The following RYR3 variants were observed in gnomAD, a reference collection of about 807,000 sequenced individuals.
RYR3 encodes ryanodine receptor 3.
Under a neutral mutation model 584.3 loss-of-function variants are expected in RYR3, and 207 were observed. The ratio of observed to expected loss-of-function variants is 0.35; its 90% CI spans 0.32 to 0.40. The LOEUF is 0.40. RYR3 is among the 10% of genes least tolerant of loss of function. The probability of loss-of-function intolerance (pLI) is 1.00; values close to 1 mark genes in which losing one functional copy is unlikely to be tolerated. For missense variants in RYR3, 5,616 were observed against 6,089.2 expected (o/e 0.92, Z 2.59); for synonymous variants, 2,416 against 2,248.5 (o/e 1.07, Z -2.11).
rs188909379 is a variant in RYR3, at chr15:33,738,724, A to G, written c.7656+134A>G. On this transcript the variant is annotated intron_variant, in intron 50 of 103. Transcript: ENST00000634891. ...AGTACTTCACAAGCATATTACGCCA[A>G]TCCTTGCCCATCTCTCTGAAATGGA... 4.8e-4 allele frequency: 429 copies of G among 899,170 alleles called. 1 individual carries two copies. In the African/African-American group the frequency reaches 6.6e-3, roughly 14 times the overall value. The allele number at this position is 899,170 out of a possible 1,614,324, so 55.7% of individuals were successfully genotyped here.
intron 12 of RYR3, among the ~76,000 whole-genome samples, chr15:33,567,564 A>T (rs2057781495): frequency 6.6e-6 from 1 of 152,210 alleles, no homozygotes; most frequent in Admixed American, 6.5e-5. Flanking sequence ...CTGCTGTTGC[A>T]GTTCAGAGTA....
At chr15:33,514,829 A>G (rs1041621730) in intron 3 of RYR3, among the ~76,000 whole-genome samples, 3 of 151,766 alleles carry the variant, frequency 2.0e-5, no homozygotes, top group Non-Finnish European at 4.4e-5. Flanking sequence ...GTGAAACCCC[A>G]TCTCTACTAA....
chr15:33,711,661 A>G (rs575504151), intron 43 of RYR3, among the ~76,000 whole-genome samples: 3 of 152,332 alleles, frequency 2.0e-5, no homozygotes, highest in African/African-American at 7.2e-5. Flanking sequence ...AATGCAGCCA[A>G]GTTCTTTACT....
chr15:33,698,472 T>G (rs2066021026), intron 40 of RYR3, among the ~76,000 whole-genome samples: 1 of 152,210 alleles, frequency 6.6e-6, no homozygotes, highest in Non-Finnish European at 1.5e-5. Context: ...GGAGCCCGCA[T>G]CAGGGGGAGC....
At position 33,602,997 on chromosome 15, in the gene RYR3, A is replaced by G. The variant is rs138581749; in HGVS notation, c.1923-126A>G. The G allele has an allele frequency of 4.6e-5, 45 of 983,470 alleles. No individual in the cohort carries two copies. In the East Asian group the frequency reaches 1.0e-3, roughly 22 times the overall value. The allele number at this position is 983,470 out of a possible 1,614,324, so 60.9% of individuals were successfully genotyped here. ...AGAGATCCCTCCCATCTTTTGAGCA[A>G]TATGAAATACACAGCATTGCTCTTG... On this transcript the variant is annotated intron_variant, in intron 17 of 103. Coordinates refer to ENST00000634891, the MANE Select transcript of RYR3 (RefSeq NM_001036.6).
intron 43 of RYR3, among the ~76,000 whole-genome samples, chr15:33,713,780 G>A (rs1266569554): frequency 6.6e-6 from 1 of 152,120 alleles, no homozygotes; most frequent in Non-Finnish European, 1.5e-5. Context: ...GAGGTTTCCT[G>A]GTTCATAGAT....
intron 1 of RYR3, among the ~76,000 whole-genome samples, chr15:33,435,167 G>A (rs28418552): frequency 0.021 from 3,186 of 152,118 alleles, 55 homozygotes; most frequent in Non-Finnish European, 0.027. Context: ...GTTATTATAG[G>A]TAAATTTGTA....
At chr15:33,837,071 C>T in intron 88 of RYR3, 84 bp downstream of exon 88, 2 of 1,136,922 alleles carry the variant, frequency 1.8e-6, no homozygotes, top group Non-Finnish European at 2.6e-6. Context: ...GATTATCCTT[C>T]TGGCAGGTCA....
At chr15:33,686,633 C>T (rs898291560) in intron 38 of RYR3, among the ~76,000 whole-genome samples, 12 of 152,092 alleles carry the variant, frequency 7.9e-5, no homozygotes, top group Admixed American at 3.3e-4. Flanking sequence ...AAAAAGAGAA[C>T]TTTAGACCAA....
At chr15:33,608,497 C>T (rs1472213615) in intron 18 of RYR3, among the ~76,000 whole-genome samples, 2 of 152,208 alleles carry the variant, frequency 1.3e-5, no homozygotes, top group Admixed American at 6.5e-5. Flanking sequence ...ACTCTTCATA[C>T]TACTCACATT....
Position 33,565,177 on chromosome 15 carries a change from A to C in RYR3, c.1147-1501A>C, listed in dbSNP as rs563689590. On this transcript the variant is annotated intron_variant, in intron 11 of 103. Transcript: ENST00000634891. The stretch of plus-strand genomic sequence containing the variant: ...ACATTCTAACAACTGCATTTCCCCC[A>C]GCCAGTTTTAAATGTGTTATCTGAG... Among the ~76,000 whole-genome samples, 155 of 152,256 alleles carry C rather than the reference A, an allele frequency of 1.0e-3. 3 individuals are homozygous for C. Among genetic ancestry groups the C allele is most frequent in the African/African-American group, 3.7e-3 (154 of 41,544 alleles).
intron 3 of RYR3, among the ~76,000 whole-genome samples, chr15:33,517,015 G>A (rs2053580027): frequency 6.6e-6 from 1 of 151,994 alleles, no homozygotes; most frequent in Non-Finnish European, 1.5e-5. Flanking sequence ...TTTTTGAGAT[G>A]GAGTCTCACT....
At chr15:33,471,994 T>G (rs1051059534) in intron 1 of RYR3, among the ~76,000 whole-genome samples, 1 of 152,228 alleles carries the variant, frequency 6.6e-6, no homozygotes, top group Non-Finnish European at 1.5e-5. Context: ...TTCAGAGATT[T>G]CACTAAACCC....
In RYR3 at chr15:33,802,749, T is replaced by C. The variant is rs151210400; in HGVS notation, c.10011+788T>C. On this transcript the variant is annotated intron_variant, in intron 69 of 103. Coordinates refer to ENST00000634891, the MANE Select transcript of RYR3 (RefSeq NM_001036.6). ...ACCAGCTGTTATGACTTACCTTGAC[T>C]CTGTACCCCTGAGAAATGTGCCTCA... is the stretch of plus-strand genomic sequence containing the variant. 5.4e-3 allele frequency among the ~76,000 whole-genome samples: 825 copies of C among 152,344 alleles called. 4 individuals are homozygous for C. Among genetic ancestry groups the C allele is most frequent in the Non-Finnish European group, 8.8e-3 (598 of 68,026 alleles).
At chr15:33,659,870 A>C in intron 33 of RYR3, 64 bp downstream of exon 33, 2 of 1,126,294 alleles carry the variant, frequency 1.8e-6, no homozygotes, top group South Asian at 1.3e-5. Flanking sequence ...CATTAGGGGG[A>C]AAATCCCAGG....
At chr15:33,532,747 T>C (rs2054991343) in intron 4 of RYR3, among the ~76,000 whole-genome samples, 2 of 152,238 alleles carry the variant, frequency 1.3e-5, no homozygotes, top group African/African-American at 4.8e-5. Context: ...AACTCATTTC[T>C]ATAACATATA....
At chr15:33,549,869 A>G (rs563639039) in intron 9 of RYR3, among the ~76,000 whole-genome samples, 3 of 152,318 alleles carry the variant, frequency 2.0e-5, no homozygotes, top group South Asian at 2.1e-4. Context: ...TTGCATCAAG[A>G]ACTTTCAGTG....
rs906780494 is a variant in RYR3, at chr15:33,857,723, C to A, written c.14008-57C>A. 9 of 1,603,130 alleles carry A rather than the reference C, an allele frequency of 5.6e-6. No individual in the cohort carries two copies. In the Admixed American group the frequency reaches 1.5e-4, roughly 27 times the overall value. On this transcript the variant is annotated intron_variant, in intron 98 of 103. Transcript: ENST00000634891. ...TCGTTTTCTTAGAGTCTCCTGTGAA[C>A]CTTTCAAGGTAGAGAAGACCCCACT...
intron 1 of RYR3, among the ~76,000 whole-genome samples, chr15:33,361,092 A>G (rs538500050): frequency 1.4e-4 from 22 of 152,344 alleles, no homozygotes; most frequent in Non-Finnish European, 2.4e-4. Flanking sequence ...CTCAGCCTGC[A>G]TACAGCTGGG....
Sources: gnomAD v4.1 joint callset for allele counts (sites outside exome capture counted in the v4.1 genomes callset) on GRCh38, gnomAD v4.1.1 for gene constraint, MANE v1.5 for transcripts, NCBI Gene and HGNC (gene_info 2026-07-23, HGNC 2026-07-21) for gene names.